The following LAMC3 variants were observed in gnomAD, a reference collection of about 807,000 sequenced individuals.
The protein encoded by LAMC3 is laminin subunit gamma 3.
A neutral mutation model predicts 173.8 loss-of-function variants in LAMC3; 128 were observed. The observed-to-expected ratio is 0.74, with a 90% CI of 0.64 to 0.85. The LOEUF is 0.85. LAMC3 is among the 40% of genes least tolerant of loss of function. The pLI is 0.00. For missense variants in LAMC3, 2,022 were observed against 2,156.0 expected (o/e 0.94, Z 1.23); for synonymous variants, 897 against 909.1 (o/e 0.99, Z 0.24).
chr9:131,012,598 T>G (rs929891260), intron 1 of LAMC3, among the ~76,000 whole-genome samples: 2 of 152,296 alleles, frequency 1.3e-5, no homozygotes, highest in South Asian at 2.1e-4. Flanking sequence ...TTGGCCTCTT[T>G]TTGGTTTCCT....
chr9:131,058,395 G>A (rs1343261570), intron 12 of LAMC3, among the ~76,000 whole-genome samples: 3 of 152,000 alleles, frequency 2.0e-5, no homozygotes, highest in African/African-American at 7.2e-5. Flanking sequence ...TTACAGGCGT[G>A]AGCCACCACG....
At chr9:131,056,472 C>T (rs1239773324) in intron 11 of LAMC3, among the ~76,000 whole-genome samples, 1 of 148,044 alleles carries the variant, frequency 6.8e-6, no homozygotes, top group East Asian at 2.0e-4. Context: ...AATCATCTCC[C>T]TTACCCTTGA....
Position 131,058,619 on chromosome 9 carries a change from C to T in LAMC3, c.2158+1472C>T, listed in dbSNP as rs118147646. ...TCTTCCTGAAAAGACGGTAGCCAGG[C>T]GTGGTGGCTCACACCTGTAATCCCA... On this transcript the variant is annotated intron_variant, in intron 12 of 27. Coordinates refer to ENST00000361069, the MANE Select transcript of LAMC3 (RefSeq NM_006059.4). Among the ~76,000 whole-genome samples the T allele has an allele frequency of 7.2e-3, 1,082 of 151,080 alleles. 7 individuals are homozygous for T. Among genetic ancestry groups the T allele is most frequent in the Middle Eastern group, 0.034 (10 of 294 alleles).
At chr9:131,069,538 A>G in intron 16 of LAMC3, 134 bp from the exon 17 acceptor site, 1 of 839,286 alleles carries the variant, frequency 1.2e-6, no homozygotes, top group African/African-American at 1.7e-5. Context: ...GGGCCCAGGA[A>G]TGTTTTTGAT....
chr9:131,046,838 G>A lies in LAMC3; in HGVS notation c.1519+1178G>A, dbSNP rs73658914. On this transcript the variant is annotated intron_variant, in intron 8 of 27. Transcript: ENST00000361069. Reference sequence around the variant, plus strand: ...CTTCCGCCTGTCCCCAGGAAGGAGCGAGGCATCAGCTGAAACAGAAGAACC... The same window carrying A: ...CTTCCGCCTGTCCCCAGGAAGGAGCAAGGCATCAGCTGAAACAGAAGAACC... Among the ~76,000 whole-genome samples, 773 of 152,032 alleles carry A rather than the reference G, an allele frequency of 5.1e-3. 5 individuals are homozygous for A. Among genetic ancestry groups the A allele is most frequent in the African/African-American group, 0.017 (726 of 41,508 alleles).
At position 131,038,474 on chromosome 9, in the gene LAMC3, A is replaced by C. The variant is rs139680945; in HGVS notation, c.977-390A>C. On this transcript the variant is annotated intron_variant, in intron 4 of 27. Transcript: ENST00000361069. ...TCTGTACCCCTGAGTGACCTCACAC[A>C]ATAGTGAGAGTCACACTATTATGGC... 9.2e-5 allele frequency among the ~76,000 whole-genome samples: 14 copies of C among 152,294 alleles called. 1 individual carries two copies. The South Asian group carries it at 1.0e-3, about 11-fold the overall frequency.
At position 131,085,633 on chromosome 9, in the gene LAMC3, G is replaced by A. The variant is rs753818876; in HGVS notation, c.4140G>A (p.Ala1380=). Reference sequence around the variant, plus strand: ...ACACGAGAAAGAAGACCAAGCAGGCGGAGAGGATGCTGGGAAACGCGGCCC... The same window carrying A: ...ACACGAGAAAGAAGACCAAGCAGGCAGAGAGGATGCTGGGAAACGCGGCCC... The part of the protein sequence containing the change: ...LADTRKKTKQ[A]ERMLGNAAPL... The change falls in exon 25 of 28, where the codon GCG becomes GCA. Residue 1380 remains alanine (A), a synonymous_variant. Coordinates refer to ENST00000361069, the MANE Select transcript of LAMC3 (RefSeq NM_006059.4). The A allele has an allele frequency of 3.7e-5, 60 of 1,614,154 alleles. No individual in the cohort carries two copies. The Middle Eastern group carries it at 6.6e-4, about 18-fold the overall frequency.
intron 3 of LAMC3, among the ~76,000 whole-genome samples, chr9:131,032,569 GCT>G (rs1391868314): frequency 2.8e-5 from 3 of 105,358 alleles, no homozygotes; most frequent in Middle Eastern, 0.011. Flanking sequence ...TCTCTCTCTT[GCT>G]CTCTCTCGCT....
intron 13 of LAMC3, 145 bp from the exon 14 acceptor site, chr9:131,066,815 C>T: frequency 9.5e-7 from 1 of 1,050,856 alleles, no homozygotes; most frequent in Non-Finnish European, 1.4e-6. Context: ...TGTGGGCAGC[C>T]ACTGGGGGCC....
intron 12 of LAMC3, among the ~76,000 whole-genome samples, chr9:131,058,872 T>G (rs1588155936): frequency 1.6e-5 from 2 of 126,188 alleles, no homozygotes; most frequent in African/African-American, 3.2e-5. Flanking sequence ...CCAGCCTGGG[T>G]GACAAGAGCA....
In LAMC3 at chr9:131,085,611, C is replaced by T. The variant is rs763310139; in HGVS notation, c.4118C>T (p.Thr1373Met). Reference sequence around the variant, plus strand: ...GTCAGTGACAGACTCCTTGCAGACACGAGAAAGAAGACCAAGCAGGCGGAG... The same window carrying T: ...GTCAGTGACAGACTCCTTGCAGACATGAGAAAGAAGACCAAGCAGGCGGAG... ...DSVSDRLLAD[T>M]RKKTKQAERM... The change falls in exon 25 of 28, where the codon ACG (threonine) becomes ATG (methionine). Residue 1373 changes from threonine (T) to methionine (M), a missense_variant. Coordinates refer to ENST00000361069, the MANE Select transcript of LAMC3 (RefSeq NM_006059.4). The T allele has an allele frequency of 2.5e-6, 4 of 1,614,132 alleles. No homozygotes were observed. Among genetic ancestry groups the T allele is most frequent in the South Asian group, 2.2e-5 (2 of 91,090 alleles).
chr9:131,009,220 G>A lies in LAMC3; in HGVS notation c.6G>A (p.Ala2=). Residue 2 remains alanine (A), a synonymous_variant, in exon 1 of 28, where the codon GCG becomes GCA. Coordinates refer to ENST00000361069, the MANE Select transcript of LAMC3 (RefSeq NM_006059.4). This position sits in a 1 kb window ranked among gnomAD's most constrained non-coding sequence, Gnocchi z 4.3. ...CGGCGTCGGTGCCCTTGACCATGGC[G>A]GCGGCTGCGCTTCTGCTGGGGCTGG... The part of the protein sequence containing the change: M[A]AAALLLGLAL... The A allele has an allele frequency of 2.4e-6, 3 of 1,229,236 alleles. No homozygotes were observed. The highest frequency in any genetic ancestry group is 3.0e-6 in the Non-Finnish European group (3 of 989,040). 76.1% of individuals were successfully genotyped at this position (1,229,236 alleles called of 1,614,324 possible).
chr9:131,036,426 C>G, intron 4 of LAMC3, 94 bp downstream of exon 4: 2 of 1,432,236 alleles, frequency 1.4e-6, no homozygotes, highest in South Asian at 1.2e-5. Context: ...GGGGGCTGCT[C>G]CTGGGTACGC....
intron 7 of LAMC3, among the ~76,000 whole-genome samples, chr9:131,045,201 C>T (rs112843377): frequency 2.1e-4 from 29 of 136,474 alleles, no homozygotes; most frequent in African/African-American, 6.8e-4. Flanking sequence ...CAGCCTGGGC[C>T]ACAGAACAAG....
intron 9 of LAMC3, 72 bp from the exon 10 acceptor site, chr9:131,052,419 A>T: frequency 7.4e-7 from 1 of 1,348,820 alleles, no homozygotes; most frequent in Non-Finnish European, 1.1e-6. Flanking sequence ...AGTTGCCGAT[A>T]AAATCAACAT....
Position 131,087,515 on chromosome 9 carries a change from C to A in LAMC3, c.4270C>A (p.Arg1424Ser), listed in dbSNP as rs1239069996. Reference protein sequence around the residue: ...ALLRERKQAHRRASRLTSQTQ... With the variant: ...ALLRERKQAHSRASRLTSQTQ... ...GCTGAGGGAGCGGAAACAGGCGCAC[C>A]GCCGTGCCAGCAGGCTCACCAGCCA... The change falls in exon 26 of 28, where the codon CGC becomes AGC. Residue 1424 changes from arginine (R) to serine (S), a missense_variant. Arg to Ser is a moderately radical substitution (Grantham distance 110). Transcript: ENST00000361069. The A allele has an allele frequency of 6.2e-7, 1 of 1,613,692 alleles. No homozygotes were observed. Among genetic ancestry groups the A allele is most frequent in the Non-Finnish European group, 8.5e-7 (1 of 1,180,032 alleles).
Position 131,052,833 on chromosome 9 carries a change from A to G in LAMC3, c.1824-17A>G, listed in dbSNP as rs1387844854. On this transcript the variant is annotated splice_polypyrimidine_tract_variant and intron_variant, in intron 10 of 27. Transcript: ENST00000361069. ...CACCCTATGTCGGGATCTCACTTTG[A>G]CCGCTTCTCTCGCCAGCCTGCAGGA... 20 of 1,369,206 alleles carry G rather than the reference A, an allele frequency of 1.5e-5. No homozygotes were observed. The highest frequency in any genetic ancestry group is 1.9e-4 in the Middle Eastern group (1 of 5,348). The allele number at this position is 1,369,206 out of a possible 1,614,324, so 84.8% of individuals were successfully genotyped here. A position where few individuals can be genotyped will look rare whatever the true frequency, so the allele number is the denominator to read the frequency against.
At chr9:131,025,718 G>C (rs556349369) in intron 1 of LAMC3, among the ~76,000 whole-genome samples, 14 of 152,298 alleles carry the variant, frequency 9.2e-5, no homozygotes, top group Admixed American at 6.5e-5. Flanking sequence ...CAGAGAAGCT[G>C]AATTGCAGGA....
At chr9:131,021,473 C>T (rs543709817) in intron 1 of LAMC3, among the ~76,000 whole-genome samples, 2 of 152,196 alleles carry the variant, frequency 1.3e-5, no homozygotes, top group East Asian at 3.9e-4. Flanking sequence ...TCCAATAATA[C>T]ATATATATAA....
Sources: allele counts gnomAD v4.1 joint callset (sites outside exome capture counted in the v4.1 genomes callset), GRCh38; gene constraint gnomAD v4.1.1; non-coding constraint Gnocchi (gnomAD v3.1); transcripts MANE v1.5; gene names NCBI Gene and HGNC (gene_info 2026-07-23, HGNC 2026-07-21).